The following MSRA variants were observed in gnomAD, a reference collection of about 807,000 sequenced individuals.
The protein encoded by MSRA is methionine sulfoxide reductase A, also known as mitochondrial peptide methionine sulfoxide reductase.
In MSRA, 54 loss-of-function variants were observed where a neutral mutation model predicts 31.3. The ratio of observed to expected loss-of-function variants is 1.73; its 90% CI spans 1.39 to 2.17. MSRA has a LOEUF of 2.17. Ranked by LOEUF, MSRA falls within the 30% of genes most tolerant of loss-of-function variation. The probability of loss-of-function intolerance (pLI) is 0.00; values close to 1 mark genes in which losing one functional copy is unlikely to be tolerated. For synonymous variants in MSRA, 169 were observed against 116.5 expected, an observed-to-expected ratio of 1.45 and a Z score of -2.90; for missense variants, 507 against 300.9, an observed-to-expected ratio of 1.69 and a Z score of -5.07.
intron 1 of MSRA, among the ~76,000 whole-genome samples, chr8:10,148,498 T>C: frequency 6.6e-6 from 1 of 151,914 alleles, no homozygotes. Flanking sequence ...AATACAAAAA[T>C]TAGCCAGGCA....
chr8:10,288,242 C>T (rs1800042403), intron 3 of MSRA, among the ~76,000 whole-genome samples: 1 of 152,150 alleles, frequency 6.6e-6, no homozygotes, highest in African/African-American at 2.4e-5. Flanking sequence ...CCCCCAGTCC[C>T]CTTCCATTAA....
chr8:10,362,830 C>A (rs17765025), intron 5 of MSRA, among the ~76,000 whole-genome samples: 1 of 152,066 alleles, frequency 6.6e-6, no homozygotes, highest in African/African-American at 2.4e-5. Flanking sequence ...CCCGCGCCAC[C>A]GGGAGCTGCC....
intron 5 of MSRA, among the ~76,000 whole-genome samples, chr8:10,396,836 C>T (rs569527024): frequency 8.5e-5 from 13 of 152,194 alleles, no homozygotes; most frequent in East Asian, 1.9e-4. Flanking sequence ...ATGGCCCTTA[C>T]GCGAGATCTG....
intron 5 of MSRA, among the ~76,000 whole-genome samples, chr8:10,425,307 C>T (rs1002852056): frequency 6.6e-6 from 1 of 152,206 alleles, no homozygotes; most frequent in African/African-American, 2.4e-5. Flanking sequence ...TGCGGTTTCC[C>T]TGCTCGCCTT....
At chr8:10,109,608 C>A (rs575660201) in intron 1 of MSRA, among the ~76,000 whole-genome samples, 1 of 152,258 alleles carries the variant, frequency 6.6e-6, no homozygotes, top group East Asian at 1.9e-4. Context: ...TCCCAAAGTG[C>A]TGGAATTATA....
intron 2 of MSRA, among the ~76,000 whole-genome samples, chr8:10,213,519 CT>C (rs1429968707): frequency 6.7e-6 from 1 of 150,000 alleles, no homozygotes; most frequent in Non-Finnish European, 1.5e-5. Context: ...TCACTGCAAC[CT>C]CCGCCTCCTG....
chr8:10,267,377 G>A (rs561278064), intron 3 of MSRA, among the ~76,000 whole-genome samples: 6 of 152,318 alleles, frequency 3.9e-5, no homozygotes, highest in Admixed American at 3.3e-4. Flanking sequence ...TGGAGGGAAG[G>A]AGTTGATTTT....
chr8:10,415,589 C>A (rs994828293), intron 5 of MSRA, among the ~76,000 whole-genome samples: 3 of 152,128 alleles, frequency 2.0e-5, no homozygotes, highest in African/African-American at 7.2e-5. Flanking sequence ...TCTCCATCCA[C>A]CTCTGCTTCC....
At chr8:10,214,297 G>A (rs1201721805) in intron 2 of MSRA, among the ~76,000 whole-genome samples, 2 of 152,118 alleles carry the variant, frequency 1.3e-5, no homozygotes, top group African/African-American at 4.8e-5. Context: ...CCTCTCTGGG[G>A]TACTCACCTT....
At chr8:10,385,107 G>A (rs1270658710) in intron 5 of MSRA, among the ~76,000 whole-genome samples, 1 of 152,222 alleles carries the variant, frequency 6.6e-6, no homozygotes, top group East Asian at 1.9e-4. Context: ...ACAAGTGGGA[G>A]TTCATAGGTA....
At chr8:10,111,089 C>T (rs1020399720) in intron 1 of MSRA, among the ~76,000 whole-genome samples, 1 of 152,160 alleles carries the variant, frequency 6.6e-6, no homozygotes, top group Non-Finnish European at 1.5e-5. Context: ...CCAAGTGTAG[C>T]ATCTTAGTCT....
intron 1 of MSRA, among the ~76,000 whole-genome samples, chr8:10,190,479 G>T (rs558054170): frequency 6.6e-6 from 1 of 152,324 alleles, no homozygotes; most frequent in South Asian, 2.1e-4. Flanking sequence ...GATGTTGCCT[G>T]TCTGGTGTCT....
intron 5 of MSRA, among the ~76,000 whole-genome samples, chr8:10,360,420 T>C (rs1269324252): frequency 6.6e-5 from 10 of 152,340 alleles, no homozygotes; most frequent in Admixed American, 3.9e-4. Context: ...CACCTAGTTT[T>C]GTTGTAAATG....
intron 3 of MSRA, among the ~76,000 whole-genome samples, chr8:10,247,545 G>A (rs1037224185): frequency 2.6e-5 from 4 of 152,086 alleles, no homozygotes; most frequent in Non-Finnish European, 4.4e-5. Context: ...AAGGAAAAAG[G>A]GCCAAGCCAG....
At chr8:10,236,121 T>C (rs1025327260) in intron 2 of MSRA, among the ~76,000 whole-genome samples, 1 of 152,182 alleles carries the variant, frequency 6.6e-6, no homozygotes, top group Non-Finnish European at 1.5e-5. Flanking sequence ...GAAGGAAACT[T>C]TCTCAACCTG....
intron 1 of MSRA, among the ~76,000 whole-genome samples, chr8:10,142,743 A>G (rs965514257): frequency 5.3e-5 from 8 of 152,346 alleles, no homozygotes; most frequent in Non-Finnish European, 7.3e-5. Context: ...GGACTATTTG[A>G]TAAGATCTAT....
At chr8:10,303,137 T>A (rs760653931) in intron 4 of MSRA, among the ~76,000 whole-genome samples, 25 of 152,224 alleles carry the variant, frequency 1.6e-4, no homozygotes, top group Non-Finnish European at 3.4e-4. Flanking sequence ...AAGACATGTA[T>A]CAGAGGCCCA....
At chr8:10,115,506 G>A (rs963947970) in intron 1 of MSRA, among the ~76,000 whole-genome samples, 7 of 152,216 alleles carry the variant, frequency 4.6e-5, no homozygotes, top group African/African-American at 1.7e-4. Flanking sequence ...CCAGAACTAC[G>A]AGAAAATCAA....
At chr8:10,107,592 T>G (rs774925729) in intron 1 of MSRA, among the ~76,000 whole-genome samples, 1 of 152,212 alleles carries the variant, frequency 6.6e-6, no homozygotes, top group African/African-American at 2.4e-5. Flanking sequence ...TATTTCTGTA[T>G]GTAAGCATTT....
Sources: gnomAD v4.1 joint callset for allele counts (sites outside exome capture counted in the v4.1 genomes callset) on GRCh38, gnomAD v4.1.1 for gene constraint, MANE v1.5 for transcripts, NCBI Gene and HGNC (gene_info 2026-07-23, HGNC 2026-07-21) for gene names.